EVI5: variants seen among roughly 807,000 people sequenced by gnomAD.
The protein encoded by EVI5 is ecotropic viral integration site 5.
Under a neutral mutation model 112.0 loss-of-function variants are expected in EVI5, and 73 were observed. That is an observed-to-expected ratio of 0.65 (90% CI 0.54 to 0.79). The LOEUF is 0.79. Among genes scored for constraint, EVI5 ranks in the 30% least tolerant of loss-of-function variants. The pLI is 0.00. For missense variants in EVI5, 900 were observed against 968.8 expected (o/e 0.93, Z 0.94); for synonymous variants, 305 against 319.9 (o/e 0.95, Z 0.50).
intron 10 of EVI5, among the ~76,000 whole-genome samples, chr1:92,666,378 T>C (rs1032196899): frequency 7.3e-5 from 11 of 150,520 alleles, no homozygotes; most frequent in Non-Finnish European, 1.5e-4. Context: ...CACACACACA[T>C]GCATGCATGC....
rs1681839986 is a variant in EVI5 at position 92,761,327 on chromosome 1, A to C, written c.-82+23509T>G. On this transcript the variant is annotated intron_variant, in intron 1 of 19. Transcript: ENST00000684568. ...TACAAACCAGAGTGTGCAGACTTAT[A>C]GCACGATTTTTTTTTAGTGGGTATT... Among the ~76,000 whole-genome samples, 3 of 152,294 alleles carry C rather than the reference A, an allele frequency of 2.0e-5. No homozygotes were observed. In the South Asian group the frequency reaches 6.2e-4, roughly 32 times the overall value.
intron 13 of EVI5, among the ~76,000 whole-genome samples, chr1:92,654,670 C>A (rs905315902): frequency 2.6e-5 from 4 of 151,966 alleles, no homozygotes; most frequent in Non-Finnish European, 4.4e-5. Context: ...AGCAATAGAT[C>A]CTAACTAAAA....
At chr1:92,538,861 A>T (rs1036419933) in intron 19 of EVI5, among the ~76,000 whole-genome samples, 1 of 152,192 alleles carries the variant, frequency 6.6e-6, no homozygotes, top group African/African-American at 2.4e-5. Flanking sequence ...GGAAACTGCA[A>T]GTGGTTTGGT....
chr1:92,622,626 C>A (rs10874724), intron 16 of EVI5, among the ~76,000 whole-genome samples: 92,855 of 151,964 alleles, frequency 0.61, 29,164 homozygotes, highest in East Asian at 0.92. Flanking sequence ...TTACTACACA[C>A]CACCACCATT....
chr1:92,673,185 C>CTCT (rs552182403), intron 10 of EVI5, among the ~76,000 whole-genome samples: 2 of 123,588 alleles, frequency 1.6e-5, no homozygotes, highest in African/African-American at 6.4e-5. Flanking sequence ...TAACACTTCT[C>CTCT]TTTTTTTTTT....
intron 12 of EVI5, among the ~76,000 whole-genome samples, chr1:92,663,097 T>C (rs1481042513): frequency 6.6e-6 from 1 of 152,200 alleles, no homozygotes; most frequent in Non-Finnish European, 1.5e-5. Context: ...TCAATAAAAA[T>C]TTAATTCATG....
Position 92,513,724 on chromosome 1 carries a change from C to T in EVI5, c.2413G>A (p.Glu805Lys), listed in dbSNP as rs529586905. The T allele has an allele frequency of 6.8e-6, 11 of 1,613,678 alleles. No homozygotes were observed. Among genetic ancestry groups the T allele is most frequent in the South Asian group, 5.5e-5 (5 of 91,014 alleles). Residue 805 changes from glutamate (E) to lysine (K), a missense_variant, in exon 20 of 20, where the codon GAG becomes AAG. Coordinates refer to ENST00000684568, the MANE Select transcript of EVI5 (RefSeq NM_001350197.2). ...ETEDSVLETR[E>K]SNQVVQKERP... ...TCCTTTTGAACCACTTGGTTGCTCT[C>T]TCTGGTCTCCAGCACACTGTCTTCT...
At chr1:92,586,375 AT>A (rs1672781839) in intron 18 of EVI5, among the ~76,000 whole-genome samples, 1 of 152,168 alleles carries the variant, frequency 6.6e-6, no homozygotes, top group Non-Finnish European at 1.5e-5. Flanking sequence ...ACTCACATTT[AT>A]TAATTTAATC....
chr1:92,594,121 C>CAA (rs1412876303), intron 18 of EVI5, among the ~76,000 whole-genome samples: 2 of 152,080 alleles, frequency 1.3e-5, no homozygotes, highest in Non-Finnish European at 2.9e-5. Flanking sequence ...AATCCTAAGC[C>CAA]AAAAGAAAAA....
intron 9 of EVI5, among the ~76,000 whole-genome samples, chr1:92,688,193 C>T (rs1299674185): frequency 2.0e-5 from 3 of 152,096 alleles, no homozygotes; most frequent in African/African-American, 7.2e-5. Context: ...CCATGGAATA[C>T]TATGCATCCA....
chr1:92,604,214 G>T (rs1419667160), intron 18 of EVI5, among the ~76,000 whole-genome samples: 1 of 137,270 alleles, frequency 7.3e-6, no homozygotes, highest in Non-Finnish European at 1.7e-5. Context: ...AAATAAATAA[G>T]CTGGGTGTGG....
intron 19 of EVI5, among the ~76,000 whole-genome samples, chr1:92,559,212 T>G (rs1355774552): frequency 6.6e-6 from 1 of 152,202 alleles, no homozygotes; most frequent in Non-Finnish European, 1.5e-5. Context: ...AGATGTTCAG[T>G]ACAGATACAG....
chr1:92,684,536 A>C (rs1258506835), intron 9 of EVI5, among the ~76,000 whole-genome samples: 1 of 152,206 alleles, frequency 6.6e-6, no homozygotes, highest in African/African-American at 2.4e-5. Flanking sequence ...TGACGGGGTC[A>C]AATTCAAACA....
Position 92,535,117 on chromosome 1 carries a change from T to A in EVI5, c.2167-21147A>T, listed in dbSNP as rs887874539. ...CCCATCAAAAAGTGGACGAAGGATA[T>A]GAACTTCTCAAAAGAAGAAGTTTAT... On this transcript the variant is annotated intron_variant, in intron 19 of 19. Transcript: ENST00000684568. Among the ~76,000 whole-genome samples, 9 of 152,114 alleles carry A rather than the reference T, an allele frequency of 5.9e-5. 1 individual carries two copies. Among genetic ancestry groups the A allele is most frequent in the Admixed American group, 3.9e-4 (6 of 15,282 alleles).
intron 14 of EVI5, among the ~76,000 whole-genome samples, chr1:92,635,837 C>T (rs1658707348): frequency 6.6e-6 from 1 of 152,158 alleles, no homozygotes; most frequent in Admixed American, 6.5e-5. Context: ...TGTATTAGTC[C>T]TATTCTATCT....
intron 2 of EVI5, among the ~76,000 whole-genome samples, chr1:92,729,222 CA>C (rs541964558): frequency 7.2e-4 from 110 of 152,200 alleles, no homozygotes; most frequent in Non-Finnish European, 1.3e-3. Context: ...GTTATGGTCA[CA>C]ATGTATGATA....
intron 1 of EVI5, among the ~76,000 whole-genome samples, chr1:92,762,154 C>T (rs1430189258): frequency 6.6e-6 from 1 of 152,054 alleles, no homozygotes; most frequent in Non-Finnish European, 1.5e-5. Flanking sequence ...GGTAACACGA[C>T]AATTATCTTT....
chr1:92,614,827 TTTATG>T (rs889094490), intron 16 of EVI5, among the ~76,000 whole-genome samples: 7 of 86,826 alleles, frequency 8.1e-5, no homozygotes, highest in Non-Finnish European at 1.5e-4. Context: ...ATACATGTAT[TTTATG>T]TTATATTTTA....
At chr1:92,732,172 A>G (rs1676589282) in intron 2 of EVI5, 1 of 200,348 alleles carries the variant, frequency 5.0e-6, no homozygotes, top group Admixed American at 6.2e-5. Context: ...GAGACTGAAG[A>G]CATAAACATA....
Sources: allele counts gnomAD v4.1 joint callset (sites outside exome capture counted in the v4.1 genomes callset), GRCh38; gene constraint gnomAD v4.1.1; transcripts MANE v1.5; gene names NCBI Gene and HGNC (gene_info 2026-07-23, HGNC 2026-07-21).